The following MAP7 variants were observed in gnomAD, a reference collection of about 807,000 sequenced individuals.
MAP7 encodes microtubule associated protein 7.
Under a neutral mutation model 94.8 loss-of-function variants are expected in MAP7, and 52 were observed. The observed-to-expected ratio is 0.55, with a 90% CI of 0.44 to 0.69. MAP7 has a LOEUF of 0.69. MAP7 is among the 30% of genes least tolerant of loss of function. The pLI, the probability that MAP7 is intolerant of heterozygous loss-of-function variation, is 0.00. For missense variants in MAP7, 940 were observed against 964.6 expected (o/e 0.97, Z 0.34); for synonymous variants, 350 against 357.0 (o/e 0.98, Z 0.22).
intron 1 of MAP7, among the ~76,000 whole-genome samples, chr6:136,496,933 A>G (rs932615216): frequency 3.9e-5 from 6 of 152,028 alleles, no homozygotes; most frequent in African/African-American, 1.4e-4. Flanking sequence ...CAACCTGGGC[A>G]ACAGGGCGAG....
chr6:136,518,090 G>C lies in MAP7; in HGVS notation c.67+32252C>G, dbSNP rs3799455. 1.2e-4 allele frequency among the ~76,000 whole-genome samples: 19 copies of C among 152,246 alleles called. No homozygotes were observed. In the East Asian group the frequency reaches 2.9e-3, roughly 23 times the overall value. ...CCTATTAGGAGTATGGAGGTGGCTCGAGCCTCCATACTGTTGTTCCAATAA... is the reference window on the plus strand; with the variant it reads ...CCTATTAGGAGTATGGAGGTGGCTCCAGCCTCCATACTGTTGTTCCAATAA... On this transcript the variant is annotated intron_variant, in intron 1 of 17. Coordinates refer to ENST00000354570, the MANE Select transcript of MAP7 (RefSeq NM_003980.6).
At chr6:136,391,442 C>T (rs1432833716) in intron 3 of MAP7, among the ~76,000 whole-genome samples, 1 of 147,296 alleles carries the variant, frequency 6.8e-6, no homozygotes, top group Non-Finnish European at 1.5e-5. Context: ...GGGAGATATA[C>T]CTAATGCTAG....
At chr6:136,488,117 A>C (rs2128982907) in intron 1 of MAP7, among the ~76,000 whole-genome samples, 1 of 152,324 alleles carries the variant, frequency 6.6e-6, no homozygotes, top group African/African-American at 2.4e-5. Context: ...AGTTTTAAGT[A>C]GTTTCTAGAT....
At chr6:136,421,677 C>G (rs747076105) in intron 2 of MAP7, 24 bp downstream of exon 2, 9 of 1,581,272 alleles carry the variant, frequency 5.7e-6, no homozygotes, top group Non-Finnish European at 1.7e-6. Context: ...TTTATTTTCC[C>G]ACAGTTAATG....
intron 1 of MAP7, among the ~76,000 whole-genome samples, chr6:136,431,571 G>A (rs1465174033): frequency 6.6e-6 from 1 of 151,956 alleles, no homozygotes; most frequent in Non-Finnish European, 1.5e-5. Flanking sequence ...AGGCTGGAGT[G>A]CAGTGGTGTG....
At chr6:136,356,059 G>C (rs951662419) in intron 16 of MAP7, among the ~76,000 whole-genome samples, 1 of 152,156 alleles carries the variant, frequency 6.6e-6, no homozygotes, top group East Asian at 1.9e-4. Context: ...GTAAGTCACT[G>C]TAATATTATG....
intron 5 of MAP7, among the ~76,000 whole-genome samples, chr6:136,385,530 TCTCAACAGGTTATTA>T (rs1403930567): frequency 2.0e-5 from 3 of 152,186 alleles, no homozygotes; most frequent in African/African-American, 7.2e-5. Flanking sequence ...TCAGGCAGAT[TCTCAACAGGTTATTA>T]AAAACATTTA....
At chr6:136,376,379 G>A (rs1562328863) in intron 7 of MAP7, among the ~76,000 whole-genome samples, 1 of 152,220 alleles carries the variant, frequency 6.6e-6, no homozygotes, top group Non-Finnish European at 1.5e-5. Context: ...GATTACAGGC[G>A]TGAGCCACCA....
At chr6:136,392,144 C>T (rs1780947482) in intron 3 of MAP7, among the ~76,000 whole-genome samples, 1 of 152,132 alleles carries the variant, frequency 6.6e-6, no homozygotes, top group Non-Finnish European at 1.5e-5. Flanking sequence ...GTGGCACAAT[C>T]AGGGCTCACT....
At chr6:136,365,713 C>A in intron 10 of MAP7, 22 bp downstream of exon 10, 3 of 1,608,948 alleles carry the variant, frequency 1.9e-6, no homozygotes, top group Non-Finnish European at 2.6e-6. Flanking sequence ...AGCACCCAGA[C>A]CACAGGTGAG....
chr6:136,435,014 A>G (rs2128819467), intron 1 of MAP7, among the ~76,000 whole-genome samples: 1 of 152,362 alleles, frequency 6.6e-6, no homozygotes, highest in African/African-American at 2.4e-5. Flanking sequence ...TGCCTAAGCT[A>G]TGGGCCCTTT....
Position 136,550,210 on chromosome 6 carries a change from CG to C in MAP7, c.67+131del. The C allele has an allele frequency of 1.5e-6, 1 of 648,780 alleles. No homozygotes were observed. Among genetic ancestry groups the C allele is most frequent in the Non-Finnish European group, 2.1e-6 (1 of 471,272 alleles). 40.2% of individuals were successfully genotyped at this position (648,780 alleles called of 1,614,324 possible). ...GAGCAGGGTGCGCGGCGCGCAGGGC[CG>C]GTTGTTCCGGGCCGCGGCCGCGCGG... On this transcript the variant is annotated intron_variant, in intron 1 of 17. Transcript: ENST00000354570. The surrounding 1 kb of genome is among the most constrained non-coding windows in gnomAD (Gnocchi z 5.1).
chr6:136,472,296 G>A (rs1042884027), intron 1 of MAP7, among the ~76,000 whole-genome samples: 2 of 152,144 alleles, frequency 1.3e-5, no homozygotes, highest in African/African-American at 4.8e-5. Context: ...GGGAGAGCCT[G>A]ACAGCTGGAG....
At chr6:136,505,251 ATGTGTGTGTGTG>A (rs67294964) in intron 1 of MAP7, among the ~76,000 whole-genome samples, 1 of 87,430 alleles carries the variant, frequency 1.1e-5, no homozygotes, top group African/African-American at 4.7e-5. Flanking sequence ...TTTCCATGTA[ATGTGTGTGTGTG>A]TGTGTGTGTG....
At chr6:136,449,699 T>A (rs887088044) in intron 1 of MAP7, among the ~76,000 whole-genome samples, 1 of 151,998 alleles carries the variant, frequency 6.6e-6, no homozygotes, top group Non-Finnish European at 1.5e-5. Context: ...ATGTAAGGAG[T>A]CAGCTTTAGG....
chr6:136,392,873 T>C (rs918502105), intron 3 of MAP7, among the ~76,000 whole-genome samples: 1 of 152,120 alleles, frequency 6.6e-6, no homozygotes, highest in African/African-American at 2.4e-5. Flanking sequence ...TTGAGGAAAA[T>C]TTCAAATTCT....
intron 16 of MAP7, among the ~76,000 whole-genome samples, chr6:136,351,565 C>T (rs866426695): frequency 6.6e-5 from 10 of 152,174 alleles, no homozygotes; most frequent in African/African-American, 2.4e-4. Context: ...CTGAACTTCT[C>T]AAAGGTAAAA....
chr6:136,517,513 A>G (rs1460248190), intron 1 of MAP7, among the ~76,000 whole-genome samples: 1 of 152,192 alleles, frequency 6.6e-6, no homozygotes, highest in Non-Finnish European at 1.5e-5. Flanking sequence ...ATCAGCTCCA[A>G]TTATTTTCCA....
intron 1 of MAP7, among the ~76,000 whole-genome samples, chr6:136,490,973 T>C (rs1816410627): frequency 6.6e-6 from 1 of 152,224 alleles, no homozygotes; most frequent in Non-Finnish European, 1.5e-5. Context: ...GCAGACTTCA[T>C]GCTGCAAAGA....
Sources: allele counts gnomAD v4.1 joint callset (sites outside exome capture counted in the v4.1 genomes callset), GRCh38; gene constraint gnomAD v4.1.1; non-coding constraint Gnocchi (gnomAD v3.1); transcripts MANE v1.5; gene names NCBI Gene and HGNC (gene_info 2026-07-23, HGNC 2026-07-21).